The following DIP2A variants were observed in gnomAD, a reference collection of about 807,000 sequenced individuals.
DIP2A encodes DIP2 acetate--CoA ligase A.
Under a neutral mutation model 177.4 loss-of-function variants are expected in DIP2A, and 85 were observed. The ratio of observed to expected loss-of-function variants is 0.48; its 90% CI spans 0.40 to 0.57. The LOEUF (loss-of-function observed/expected upper bound fraction) is 0.57. Among genes scored for constraint, DIP2A ranks in the 20% least tolerant of loss-of-function variants. The probability of loss-of-function intolerance (pLI) is 0.00; values close to 1 mark genes in which losing one functional copy is unlikely to be tolerated. For synonymous variants in DIP2A, 886 were observed against 881.8 expected (o/e 1.00, Z -0.08); for missense variants, 1,791 against 2,100.2 (o/e 0.85, Z 2.88).
chr21:46,533,530 G>A lies in DIP2A; in HGVS notation c.1312G>A (p.Gly438Ser), dbSNP rs1240656661. 2 of 1,613,442 alleles carry A rather than the reference G, an allele frequency of 1.2e-6. No individual in the cohort carries two copies. Among genetic ancestry groups the A allele is most frequent in the African/African-American group, 1.3e-5 (1 of 75,044 alleles). ...IEVPLTRKDA[G>S]SQQVGFLLGS... is the part of the protein sequence containing the mutation. ...GTCACTCTGCTTTCTGCAGGATGCA[G>A]GCAGCCAGCAGGTTGGGTTTCTGCT... is the stretch of plus-strand genomic sequence containing the variant. Residue 438 changes from glycine to serine, a missense_variant, in exon 11 of 38, where the codon GGC (glycine) becomes AGC (serine). By Grantham distance (56) the Gly-to-Ser change is moderately conservative. Transcript: ENST00000417564.
Position 46,556,945 on chromosome 21 carries a change from C to A in DIP2A, c.3505C>A (p.His1169Asn). The A allele has an allele frequency of 1.3e-6, 2 of 1,564,088 alleles. No homozygotes were observed. The highest frequency in any genetic ancestry group is 2.3e-5 in the South Asian group (2 of 86,364). The change falls in exon 30 of 38, where the codon CAC (histidine) becomes AAC (asparagine). Residue 1169 changes from histidine (H) to asparagine (N), a missense_variant. His to Asn is a moderately conservative substitution (Grantham distance 68). Coordinates refer to ENST00000417564, the MANE Select transcript of DIP2A (RefSeq NM_015151.4). The surrounding 1 kb of genome is among the most constrained non-coding windows in gnomAD (Gnocchi z 4.5). ...TGILAGVKMS[H>N]AATSALCRSI... is the part of the protein sequence containing the mutation. ...ACTTTATTTTACTCTTAAGATGTCG[C>A]ACGCGGCCACAAGCGCCTTATGCCG...
chr21:46,504,524 A>G, intron 6 of DIP2A, 35 bp downstream of exon 6: 2 of 1,570,926 alleles, frequency 1.3e-6, no homozygotes, highest in Non-Finnish European at 1.7e-6. Context: ...GTGAAATAGC[A>G]GAACACAGGT....
intron 1 of DIP2A, among the ~76,000 whole-genome samples, chr21:46,474,349 CATAG>C (rs768110507): frequency 8.6e-5 from 13 of 152,022 alleles, no homozygotes; most frequent in African/African-American, 2.7e-4. Flanking sequence ...GTCATCAGCA[CATAG>C]ATAGTAATTG....
intron 1 of DIP2A, among the ~76,000 whole-genome samples, chr21:46,460,210 C>CAA (rs2054179406): frequency 2.0e-5 from 3 of 151,944 alleles, no homozygotes; most frequent in Non-Finnish European, 2.9e-5. Context: ...AAAAAAAAGT[C>CAA]GTATAAATGG....
intron 1 of DIP2A, among the ~76,000 whole-genome samples, chr21:46,471,216 ATT>A (rs930044301): frequency 6.6e-6 from 1 of 151,902 alleles, no homozygotes; most frequent in African/African-American, 2.4e-5. Flanking sequence ...TTTTTTTTAG[ATT>A]CAGAGTCTCA....
Position 46,551,883 on chromosome 21 carries a change from G to A in DIP2A, c.3009G>A (p.Leu1003=), listed in dbSNP as rs747427944. ...WRAHTTPDHP[L]FLLLNAKGTV... ...CCCACACCACTCCTGACCACCCGCT[G>A]TTCTTGCTGCTGAACGCCAAGGTGA... is the stretch of plus-strand genomic sequence containing the variant. The change falls in exon 25 of 38, where the codon CTG becomes CTA. Residue 1003 remains leucine, a synonymous_variant. Coordinates refer to ENST00000417564, the MANE Select transcript of DIP2A (RefSeq NM_015151.4). 1.2e-6 allele frequency: 2 copies of A among 1,608,468 alleles called. No homozygotes were observed. The highest frequency in any genetic ancestry group is 1.7e-5 in the Admixed American group (1 of 59,392).
At chr21:46,544,179 G>A (rs1343892468) in intron 18 of DIP2A, among the ~76,000 whole-genome samples, 1 of 152,074 alleles carries the variant, frequency 6.6e-6, no homozygotes, top group Non-Finnish European at 1.5e-5. Flanking sequence ...TGTGGGAGGC[G>A]AAGGCAGCAG....
intron 1 of DIP2A, among the ~76,000 whole-genome samples, chr21:46,459,596 C>T (rs1233615838): frequency 6.7e-6 from 1 of 149,836 alleles, no homozygotes; most frequent in Non-Finnish European, 1.5e-5. Context: ...GGGGACCCCG[C>T]CCTTCACCCT....
chr21:46,550,907 C>T (rs2060248926), intron 23 of DIP2A, among the ~76,000 whole-genome samples, 163 bp downstream of exon 23: 1 of 152,220 alleles, frequency 6.6e-6, no homozygotes. Flanking sequence ...GGTGCCACCT[C>T]CCGCCTTCCT....
intron 16 of DIP2A, 183 bp downstream of exon 16, chr21:46,538,785 T>A: frequency 2.3e-6 from 2 of 871,100 alleles, no homozygotes; most frequent in South Asian, 1.9e-5. Context: ...CATGCATGTT[T>A]ATTAGGCCAC....
intron 17 of DIP2A, among the ~76,000 whole-genome samples, chr21:46,541,154 A>G (rs2839314): frequency 0.31 from 46,372 of 151,608 alleles, 7,256 homozygotes; most frequent in East Asian, 0.42. Flanking sequence ...AATTTTTTTC[A>G]TATTGGAGGA....
At position 46,557,727 on chromosome 21, in the gene DIP2A, C is replaced by T. The variant is rs1408169385; in HGVS notation, c.3772C>T (p.Leu1258=). 1.2e-6 allele frequency: 2 copies of T among 1,612,026 alleles called. No individual in the cohort carries two copies. The highest frequency in any genetic ancestry group is 2.2e-5 in the East Asian group (1 of 44,780). ...TGTGATGGAGATGTGCACCAAGGGC[C>T]TAGGCGCACAGACGGGTGTCCTCAG... is the stretch of plus-strand genomic sequence containing the variant. The part of the protein sequence containing the change: ...YSVMEMCTKG[L]GAQTGVLRMK... Residue 1258 remains leucine (L), a synonymous_variant, in exon 31 of 38, where the codon CTA becomes TTA. Transcript: ENST00000417564. This position sits in a 1 kb window ranked among gnomAD's most constrained non-coding sequence, Gnocchi z 6.0.
rs149869858 is a variant in DIP2A, at chr21:46,543,929, T to C, written c.2177-1208T>C. On this transcript the variant is annotated intron_variant, in intron 18 of 37. Transcript: ENST00000417564. Reference sequence around the variant, plus strand: ...GATTTGTGGCAAAAGGAAGCAAATATCTGGTTGTCTCTCTCTTTCTTTTTA... The same window carrying C: ...GATTTGTGGCAAAAGGAAGCAAATACCTGGTTGTCTCTCTCTTTCTTTTTA... Among the ~76,000 whole-genome samples the C allele has an allele frequency of 6.0e-3, 914 of 152,286 alleles. 8 individuals carry two copies. The highest frequency in any genetic ancestry group is 0.02 in the Middle Eastern group (6 of 294).
intron 1 of DIP2A, among the ~76,000 whole-genome samples, chr21:46,470,679 G>A (rs1601353424): frequency 6.6e-6 from 1 of 151,856 alleles, no homozygotes; most frequent in East Asian, 1.9e-4. Flanking sequence ...GCTGAGTCAG[G>A]AGAATTGCTT....
chr21:46,569,394 C>T lies in DIP2A; in HGVS notation c.*1772C>T, dbSNP rs547788672. 6.6e-6 allele frequency: 1 copy of T among 150,652 alleles called. No homozygotes were observed. The highest frequency in any genetic ancestry group is 2.0e-4 in the East Asian group (1 of 5,102). 9.3% of individuals were successfully genotyped at this position (150,652 alleles called of 1,614,324 possible). A position where few individuals can be genotyped will look rare whatever the true frequency, so the allele number is the denominator to read the frequency against. On this transcript the variant is annotated 3_prime_UTR_variant, in exon 38 of 38. Transcript: ENST00000417564. ...CTAATAATCCTGTTGTAAGTATGTA[C>T]AGAATCTATGTAACTTATTGTTGAC...
intron 1 of DIP2A, among the ~76,000 whole-genome samples, chr21:46,471,728 C>T (rs1310784093): frequency 6.6e-6 from 1 of 152,186 alleles, no homozygotes; most frequent in African/African-American, 2.4e-5. Flanking sequence ...CCTTTTCACA[C>T]AGGAAATGCA....
intron 1 of DIP2A, among the ~76,000 whole-genome samples, chr21:46,474,541 T>C (rs1258806847): frequency 6.6e-6 from 1 of 152,208 alleles, no homozygotes; most frequent in Non-Finnish European, 1.5e-5. Flanking sequence ...GAAATGTGTG[T>C]GGAGGATTTT....
chr21:46,494,562 G>A lies in DIP2A; in HGVS notation c.284-2426G>A, dbSNP rs115451847. On this transcript the variant is annotated intron_variant, in intron 3 of 37. Transcript: ENST00000417564. ...TTCACTCAAAGGCCAGAATATTTCC[G>A]TAAAGAGAAACTTCTGTTATTTACA... Among the ~76,000 whole-genome samples the A allele has an allele frequency of 6.4e-3, 971 of 152,268 alleles. 10 individuals carry two copies. The highest frequency in any genetic ancestry group is 0.022 in the African/African-American group (919 of 41,550).
At chr21:46,573,792 C>G (rs1312165250), downstream of DIP2A, among the ~76,000 whole-genome samples, 2 of 149,352 alleles carry the variant, frequency 1.3e-5, no homozygotes, top group Non-Finnish European at 3.0e-5. Context: ...AGATTCAATT[C>G]AGCAAGATGT....
Sources: allele counts gnomAD v4.1 joint callset (sites outside exome capture counted in the v4.1 genomes callset), GRCh38; gene constraint gnomAD v4.1.1; non-coding constraint Gnocchi (gnomAD v3.1); transcripts MANE v1.5; gene names NCBI Gene and HGNC (gene_info 2026-07-23, HGNC 2026-07-21).